Variants in GPBP1 observed in about 807,000 individuals in gnomAD.
The protein encoded by GPBP1 is GC-rich promoter binding protein 1.
In GPBP1, 13 loss-of-function variants were observed where a neutral mutation model predicts 56.5. The observed-to-expected ratio is 0.23, with a 90% CI of 0.15 to 0.37. The LOEUF (loss-of-function observed/expected upper bound fraction) is 0.37, where lower values mean the gene tolerates loss of function less well. GPBP1 is among the 10% of genes least tolerant of loss of function. The pLI is 1.00. For synonymous variants in GPBP1, 204 were observed against 188.9 expected (o/e 1.08, Z -0.66); for missense variants, 477 against 572.3 (o/e 0.83, Z 1.70).
At chr5:57,244,927 G>A (rs556249915) in intron 6 of GPBP1, among the ~76,000 whole-genome samples, 24 of 151,972 alleles carry the variant, frequency 1.6e-4, no homozygotes, top group African/African-American at 4.1e-4. Flanking sequence ...TAGTAGAGAC[G>A]GGGTTTCACC....
At chr5:57,256,849 T>C (rs1010413638) in intron 10 of GPBP1, among the ~76,000 whole-genome samples, 1 of 152,334 alleles carries the variant, frequency 6.6e-6, no homozygotes, top group East Asian at 1.9e-4. Context: ...AATACCTTTT[T>C]CCCCACTCTT....
chr5:57,208,400 AT>A (rs1181757499), intron 2 of GPBP1, among the ~76,000 whole-genome samples: 5 of 151,858 alleles, frequency 3.3e-5, no homozygotes, highest in African/African-American at 1.2e-4. Context: ...TGCCTGGCTG[AT>A]TTTTTTATTT....
intron 3 of GPBP1, among the ~76,000 whole-genome samples, chr5:57,220,422 A>G (rs1417007495): frequency 6.6e-6 from 1 of 151,912 alleles, no homozygotes; most frequent in Non-Finnish European, 1.5e-5. Context: ...AATTCTTCTA[A>G]TTAAAAATTA....
At chr5:57,214,343 T>C in intron 3 of GPBP1, 150 bp downstream of exon 3, 1 of 671,590 alleles carries the variant, frequency 1.5e-6, no homozygotes. Flanking sequence ...CTCAGCACTT[T>C]GGGAGGCTGA....
At chr5:57,253,754 G>C (rs1244121932) in intron 10 of GPBP1, among the ~76,000 whole-genome samples, 1 of 151,782 alleles carries the variant, frequency 6.6e-6, no homozygotes, top group Non-Finnish European at 1.5e-5. Context: ...CTCCTGCCAA[G>C]GGTTATGGCT....
chr5:57,254,054 C>G (rs1741518842), intron 10 of GPBP1, among the ~76,000 whole-genome samples: 1 of 152,176 alleles, frequency 6.6e-6, no homozygotes, highest in African/African-American at 2.4e-5. Context: ...GCCATTGGAA[C>G]AGCTGGGATT....
chr5:57,188,846 A>G (rs144006780), intron 2 of GPBP1, among the ~76,000 whole-genome samples: 28 of 152,332 alleles, frequency 1.8e-4, no homozygotes, highest in African/African-American at 6.3e-4. Context: ...TATTCAGGCT[A>G]AAACACGTGG....
At chr5:57,241,710 G>A (rs1743150207) in intron 6 of GPBP1, among the ~76,000 whole-genome samples, 1 of 152,180 alleles carries the variant, frequency 6.6e-6, no homozygotes, top group Non-Finnish European at 1.5e-5. Context: ...TGAGGTTGAT[G>A]TAATAAGCAC....
chr5:57,250,924 T>TC (rs528496589), intron 9 of GPBP1, 30 bp from the exon 10 acceptor site: 1 of 1,024,420 alleles, frequency 9.8e-7, no homozygotes, highest in South Asian at 1.9e-5. Context: ...AACTCATTCT[T>TC]TTTTTTTTTT....
At chr5:57,238,217 G>A (rs1740629443) in intron 6 of GPBP1, among the ~76,000 whole-genome samples, 1 of 152,208 alleles carries the variant, frequency 6.6e-6, no homozygotes, top group South Asian at 2.1e-4. Context: ...GGTGAGTGAG[G>A]AAGAAAGAGT....
intron 2 of GPBP1, among the ~76,000 whole-genome samples, chr5:57,192,638 A>C (rs1390370731): frequency 6.6e-6 from 1 of 151,620 alleles, no homozygotes; most frequent in African/African-American, 2.4e-5. Flanking sequence ...CTGTAATCCC[A>C]GCTACTCAGG....
At position 57,236,118 on chromosome 5, in the gene GPBP1, A is replaced by G. The variant is rs540302433; in HGVS notation, c.478+86A>G. 18 of 847,490 alleles carry G rather than the reference A, an allele frequency of 2.1e-5. 1 individual carries two copies. Among genetic ancestry groups the G allele is most frequent in the Admixed American group, 2.1e-4 (9 of 43,616 alleles). The allele number at this position is 847,490 out of a possible 1,614,324, so 52.5% of individuals were successfully genotyped here. ...TTTTGTGTTTTTTAAAATAGAGAGC[A>G]GGCTAGAATAAAACTTTCTTTTTAA... is the stretch of plus-strand genomic sequence containing the variant. On this transcript the variant is annotated intron_variant, in intron 6 of 11. Coordinates refer to ENST00000506184, the MANE Select transcript of GPBP1 (RefSeq NM_022913.4).
intron 2 of GPBP1, among the ~76,000 whole-genome samples, chr5:57,204,962 AATAAC>A (rs1388140123): frequency 6.6e-6 from 1 of 152,196 alleles, no homozygotes; most frequent in African/African-American, 2.4e-5. Context: ...TTAAAGTAAA[AATAAC>A]ATCACATAAA....
intron 1 of GPBP1, among the ~76,000 whole-genome samples, 153 bp downstream of exon 1, chr5:57,174,364 G>C (rs949384930): frequency 6.6e-6 from 1 of 152,118 alleles, no homozygotes; most frequent in African/African-American, 2.4e-5. Flanking sequence ...AGGAGTGAGA[G>C]GGGGGAGAGG....
rs763163095 is a variant in GPBP1, at chr5:57,262,638, C to T, written c.1308C>T (p.Gly436=). The change falls in exon 12 of 12, where the codon GGC becomes GGT. Residue 436 remains glycine (G), a synonymous_variant. Transcript: ENST00000506184. The stretch of plus-strand genomic sequence containing the variant: ...GAAAAAATGGTATTTTGAAAAATGG[C>T]TTGATCTGTGACTTCAAGTTTGGAC... ...GLRKNGILKN[G]LICDFKFGPW... is the part of the protein sequence containing the mutation. The T allele has an allele frequency of 1.9e-6, 3 of 1,613,330 alleles. No individual in the cohort carries two copies. The South Asian group carries it at 3.3e-5, about 18-fold the overall frequency.
rs1303386618 is a variant in GPBP1 at position 57,183,515 on chromosome 5, G to A, written c.-58+7115G>A. Among the ~76,000 whole-genome samples the A allele has an allele frequency of 2.6e-5, 4 of 151,928 alleles. 1 individual carries two copies. The highest frequency in any genetic ancestry group is 1.3e-4 in the Admixed American group (2 of 15,242). ...AGAAATTAGCCCAGGTCAGTAGTGC[G>A]CCTTGTAGTCCCAGCTACTTGGGAG... is the stretch of plus-strand genomic sequence containing the variant. On this transcript the variant is annotated intron_variant, in intron 2 of 11. Coordinates refer to ENST00000506184, the MANE Select transcript of GPBP1 (RefSeq NM_022913.4).
chr5:57,240,883 C>T (rs904428129), intron 6 of GPBP1, among the ~76,000 whole-genome samples: 2 of 150,438 alleles, frequency 1.3e-5, no homozygotes, highest in East Asian at 2.0e-4. Flanking sequence ...CTGAGGCAGG[C>T]GGAGGTTGTG....
intron 2 of GPBP1, among the ~76,000 whole-genome samples, chr5:57,188,479 G>T (rs917629782): frequency 2.6e-5 from 4 of 152,034 alleles, no homozygotes; most frequent in Non-Finnish European, 5.9e-5. Flanking sequence ...GGAGGCTCAC[G>T]CCTGTAATCC....
chr5:57,248,459 G>A (rs796323913), intron 8 of GPBP1, among the ~76,000 whole-genome samples: 2 of 123,408 alleles, frequency 1.6e-5, no homozygotes, highest in East Asian at 2.5e-4. Flanking sequence ...ACGGAGTCTC[G>A]CTCTGTCGCC....
Sources: gnomAD v4.1 joint callset for allele counts (sites outside exome capture counted in the v4.1 genomes callset) on GRCh38, gnomAD v4.1.1 for gene constraint, MANE v1.5 for transcripts, NCBI Gene and HGNC (gene_info 2026-07-23, HGNC 2026-07-21) for gene names.